MTUS2: variants seen among roughly 807,000 people sequenced by gnomAD.
MTUS2 encodes microtubule-associated tumor suppressor candidate 2.
A neutral mutation model predicts 114.1 loss-of-function variants in MTUS2; 40 were observed. The ratio of observed to expected loss-of-function variants is 0.35; its 90% confidence interval spans 0.27 to 0.46. MTUS2 has a LOEUF of 0.46. MTUS2 is among the 20% of genes least tolerant of loss of function. The pLI is 1.00. For synonymous variants in MTUS2, 688 were observed against 672.0 expected (o/e 1.02, Z -0.37); for missense variants, 1,679 against 1,705.4 (o/e 0.98, Z 0.27).
chr13:29,426,894 A>G (rs1055216860), intron 8 of MTUS2, among the ~76,000 whole-genome samples: 8 of 152,300 alleles, frequency 5.3e-5, no homozygotes, highest in South Asian at 4.2e-4. Flanking sequence ...TAATGCTGCT[A>G]TGAGCGTGGG....
chr13:29,237,057 G>T (rs927021666), intron 5 of MTUS2, among the ~76,000 whole-genome samples: 3 of 152,134 alleles, frequency 2.0e-5, no homozygotes, highest in Non-Finnish European at 4.4e-5. Context: ...TGCCTTCCTT[G>T]ATCTAAGAGT....
chr13:29,446,630 A>T (rs1878299941), intron 9 of MTUS2, among the ~76,000 whole-genome samples: 1 of 152,208 alleles, frequency 6.6e-6, no homozygotes. Flanking sequence ...TTGGGAATAT[A>T]TTCTCAAAAG....
chr13:29,151,071 C>A (rs1892646510), intron 5 of MTUS2, among the ~76,000 whole-genome samples: 1 of 151,906 alleles, frequency 6.6e-6, no homozygotes, highest in Non-Finnish European at 1.5e-5. Context: ...TTTTCTAATT[C>A]TGTGAAAAAT....
chr13:29,038,120 T>C (rs1235415123), intron 4 of MTUS2, among the ~76,000 whole-genome samples: 1 of 152,234 alleles, frequency 6.6e-6, no homozygotes, highest in Non-Finnish European at 1.5e-5. Flanking sequence ...TTCAGCCTTT[T>C]TGTGCTGGTT....
intron 5 of MTUS2, among the ~76,000 whole-genome samples, chr13:29,158,868 T>G (rs916265400): frequency 1.3e-5 from 2 of 152,150 alleles, no homozygotes; most frequent in African/African-American, 4.8e-5. Flanking sequence ...GGGTCTGGTC[T>G]TCGGAATGTC....
intron 2 of MTUS2, among the ~76,000 whole-genome samples, chr13:28,912,187 T>C (rs533321604): frequency 6.6e-6 from 1 of 152,334 alleles, no homozygotes; most frequent in South Asian, 2.1e-4. Context: ...AATTTTTGTA[T>C]ATGGTGTAAG....
chr13:29,019,024 G>A (rs1281597673), intron 2 of MTUS2, among the ~76,000 whole-genome samples: 2 of 151,978 alleles, frequency 1.3e-5, no homozygotes, highest in Non-Finnish European at 2.9e-5. Context: ...ATAAACAATG[G>A]CCCTTACACA....
At chr13:29,370,699 C>G (rs1413146618) in intron 8 of MTUS2, among the ~76,000 whole-genome samples, 2 of 152,164 alleles carry the variant, frequency 1.3e-5, no homozygotes, top group Non-Finnish European at 2.9e-5. Context: ...AACTTCCTTC[C>G]TTTATGGGTT....
chr13:28,860,397 T>C (rs946929292), intron 2 of MTUS2, among the ~76,000 whole-genome samples: 2 of 152,164 alleles, frequency 1.3e-5, no homozygotes, highest in African/African-American at 4.8e-5. Context: ...AGATGTCAGG[T>C]ACCATCACCA....
rs778773609 is a variant in MTUS2, at chr13:29,034,145, C to G, written c.2446+20C>G. On this transcript the variant is annotated intron_variant, in intron 4 of 15. Coordinates refer to ENST00000612955, the MANE Select transcript of MTUS2 (RefSeq NM_001033602.4). ...CTTCAGGTAACCGATCCAACAGTTTCTGCCTTTTCCTGCTGTACGTTTAGA... is the reference window on the plus strand; with the variant it reads ...CTTCAGGTAACCGATCCAACAGTTTGTGCCTTTTCCTGCTGTACGTTTAGA... The G allele has an allele frequency of 6.2e-7, 1 of 1,613,114 alleles. No individual in the cohort carries two copies. Among genetic ancestry groups the G allele is most frequent in the East Asian group, 2.2e-5 (1 of 44,846 alleles).
At chr13:28,993,779 A>T (rs750299235) in intron 2 of MTUS2, among the ~76,000 whole-genome samples, 14 of 151,530 alleles carry the variant, frequency 9.2e-5, no homozygotes, top group Non-Finnish European at 1.3e-4. Flanking sequence ...CTATTTTTGT[A>T]CCATATGTTA....
intron 15 of MTUS2, among the ~76,000 whole-genome samples, chr13:29,501,733 T>C (rs1204215398): frequency 6.6e-6 from 1 of 152,194 alleles, no homozygotes; most frequent in African/African-American, 2.4e-5. Flanking sequence ...GACCCAGGCC[T>C]GAACCCTTGC....
intron 9 of MTUS2, among the ~76,000 whole-genome samples, chr13:29,461,388 C>T (rs891074714): frequency 1.3e-5 from 2 of 152,184 alleles, no homozygotes; most frequent in African/African-American, 4.8e-5. Context: ...TGGGGTGATA[C>T]ATTCAAGCCA....
At chr13:28,878,257 G>GTA (rs998298835) in intron 2 of MTUS2, among the ~76,000 whole-genome samples, 11 of 151,186 alleles carry the variant, frequency 7.3e-5, no homozygotes, top group African/African-American at 2.5e-4. Context: ...ATATGTGTGT[G>GTA]TGTGTATATG....
At chr13:29,029,362 C>T (rs552429336) in intron 3 of MTUS2, among the ~76,000 whole-genome samples, 1 of 152,306 alleles carries the variant, frequency 6.6e-6, no homozygotes, top group South Asian at 2.1e-4. Flanking sequence ...TTGAGTCTGG[C>T]TTTAGGCAGT....
chr13:29,290,470 C>T (rs1398117050), intron 6 of MTUS2, among the ~76,000 whole-genome samples: 4 of 152,184 alleles, frequency 2.6e-5, no homozygotes, highest in Non-Finnish European at 5.9e-5. Context: ...GCTGGGACTA[C>T]AGGCGCCTGC....
intron 6 of MTUS2, among the ~76,000 whole-genome samples, chr13:29,284,046 T>C (rs1898378555): frequency 6.6e-6 from 1 of 152,190 alleles, no homozygotes; most frequent in South Asian, 2.1e-4. Flanking sequence ...TTTGACATAA[T>C]AGTCTCACAC....
At chr13:29,404,029 T>A (rs536831531) in intron 8 of MTUS2, among the ~76,000 whole-genome samples, 7 of 152,224 alleles carry the variant, frequency 4.6e-5, no homozygotes, top group Admixed American at 1.3e-4. Context: ...TCTATACTCT[T>A]ATTTACTACA....
chr13:29,304,350 G>A (rs1377614485), intron 6 of MTUS2, among the ~76,000 whole-genome samples: 1 of 152,110 alleles, frequency 6.6e-6, no homozygotes, highest in Non-Finnish European at 1.5e-5. Context: ...ATGGCAAGCT[G>A]GATAAAGAGC....
Sources: allele counts gnomAD v4.1 joint callset (sites outside exome capture counted in the v4.1 genomes callset), GRCh38; gene constraint gnomAD v4.1.1; transcripts MANE v1.5; gene names NCBI Gene and HGNC (gene_info 2026-07-23, HGNC 2026-07-21).